ZNF7: variants seen among roughly 807,000 people sequenced by gnomAD.
ZNF7 encodes C2-H2 type zinc finger protein.
In ZNF7, 10 loss-of-function variants were observed where a neutral mutation model predicts 12.0. The observed-to-expected ratio is 0.83, with a 90% CI of 0.51 to 1.42. The LOEUF is 1.42. ZNF7 is among the 40% of genes most tolerant of loss of function. The pLI, the probability that ZNF7 is intolerant of heterozygous loss-of-function variation, is 0.00. For missense variants in ZNF7, 854 were observed against 837.2 expected (o/e 1.02, Z -0.25); for synonymous variants, 334 against 295.0 (o/e 1.13, Z -1.35).
rs1183670944 is a variant in ZNF7 at position 144,843,294 on chromosome 8, AAT to A, written c.*129_*130del. 1 of 1,228,730 alleles carries A rather than the reference AAT, an allele frequency of 8.1e-7. No homozygotes were observed. The highest frequency in any genetic ancestry group is 1.1e-6 in the Non-Finnish European group (1 of 902,396). The allele number at this position is 1,228,730 out of a possible 1,614,324, so 76.1% of individuals were successfully genotyped here. On this transcript the variant is annotated 3_prime_UTR_variant, in exon 5 of 5. Coordinates refer to ENST00000532777, the MANE Select transcript of ZNF7 (RefSeq NM_003416.4). The stretch of plus-strand genomic sequence containing the variant: ...GTAAAGGTTCAGAATTGCTCTCAAG[AAT>A]ATCCAACTTCAGGCCGAGTGTGGTG...
chr8:144,838,027 G>A (rs945884666), intron 4 of ZNF7: 1 of 698,044 alleles, frequency 1.4e-6, no homozygotes, highest in Non-Finnish European at 2.6e-6. Flanking sequence ...CCGGAAATCT[G>A]AAACCGGGGG....
In ZNF7 at chr8:144,842,397, G is replaced by A; in HGVS notation, c.1290G>A (p.Gln430=). ...TTAGGTGGATCTCTCGCCTGAGTCA[G>A]CATCAGCTGATTCACACTGGAGAGA... is the stretch of plus-strand genomic sequence containing the variant. The part of the protein sequence containing the change: ...KAFRWISRLS[Q]HQLIHTGEKP... The change falls in exon 5 of 5, where the codon CAG becomes CAA. Residue 430 remains glutamine (Q), a synonymous_variant. Coordinates refer to ENST00000532777, the MANE Select transcript of ZNF7 (RefSeq NM_003416.4). 2 of 1,614,042 alleles carry A rather than the reference G, an allele frequency of 1.2e-6. No homozygotes were observed. The highest frequency in any genetic ancestry group is 1.7e-6 in the Non-Finnish European group (2 of 1,180,032).
chr8:144,838,173 C>T (rs757716339), intron 4 of ZNF7: 1 of 702,416 alleles, frequency 1.4e-6, no homozygotes, highest in South Asian at 1.5e-5. Flanking sequence ...TGATCTCCGA[C>T]TCCTTCACAC....
At chr8:144,836,616 G>C (rs1829026194) in intron 3 of ZNF7, 1 of 152,276 alleles carries the variant, frequency 6.6e-6, no homozygotes, top group African/African-American at 2.4e-5. Flanking sequence ...TGTTGAATGT[G>C]GAGTCCTGCC....
chr8:144,828,881 T>G, intron 1 of ZNF7, 162 bp from the exon 2 acceptor site: 1 of 811,774 alleles, frequency 1.2e-6, no homozygotes, highest in South Asian at 1.7e-5. Context: ...TCAGTGGGCC[T>G]CCTTCACTCA....
At chr8:144,840,690 G>T (rs1829776393) in intron 4 of ZNF7, among the ~76,000 whole-genome samples, 1 of 152,146 alleles carries the variant, frequency 6.6e-6, no homozygotes, top group Admixed American at 6.5e-5. Context: ...GAAACTTGCA[G>T]CCCCAGGGAA....
At chr8:144,828,001 C>G (rs900268358) in intron 1 of ZNF7, 1 of 152,266 alleles carries the variant, frequency 6.6e-6, no homozygotes, top group Non-Finnish European at 1.5e-5. Context: ...ATTTATTGCC[C>G]CGGAAGGCCT....
rs1827907850 is a variant in ZNF7 at position 144,827,590 on chromosome 8, T to G, written c.-65T>G. On this transcript the variant is annotated 5_prime_UTR_variant, in exon 1 of 5. Coordinates refer to ENST00000532777, the MANE Select transcript of ZNF7 (RefSeq NM_003416.4). The stretch of plus-strand genomic sequence containing the variant: ...CGGCGGCGTCGCGCGTTTGCGAGCC[T>G]CGGGTGGTCCTCAGGGAGGGTGAGT... 2 of 985,670 alleles carry G rather than the reference T, an allele frequency of 2.0e-6. No individual in the cohort carries two copies. The highest frequency in any genetic ancestry group is 2.4e-6 in the Non-Finnish European group (2 of 830,264). The allele number at this position is 985,670 out of a possible 1,614,324, so 61.1% of individuals were successfully genotyped here. A position where few individuals can be genotyped will look rare whatever the true frequency, so the allele number is the denominator to read the frequency against.
Position 144,841,618 on chromosome 8 carries a change from T to C in ZNF7, c.511T>C (p.Cys171Arg), listed in dbSNP as rs1402421983. The C allele has an allele frequency of 1.2e-6, 2 of 1,614,120 alleles. No homozygotes were observed. Among genetic ancestry groups the C allele is most frequent in the Non-Finnish European group, 8.5e-7 (1 of 1,180,036 alleles). ...KTFTKDAPQG[C>R]KELGSSGLDC... ...CTTCACCAAGGACGCACCCCAGGGA[T>C]GTAAGGAGCTGGGAAGCAGCGGCCT... The change falls in exon 5 of 5, where the codon TGT (cysteine) becomes CGT (arginine). Residue 171 changes from cysteine (C) to arginine (R), a missense_variant. Coordinates refer to ENST00000532777, the MANE Select transcript of ZNF7 (RefSeq NM_003416.4).
chr8:144,842,669 G>T lies in ZNF7; in HGVS notation c.1562G>T (p.Gly521Val). 5 of 1,614,156 alleles carry T rather than the reference G, an allele frequency of 3.1e-6. No individual in the cohort carries two copies. Among genetic ancestry groups the T allele is most frequent in the Non-Finnish European group, 4.2e-6 (5 of 1,180,036 alleles). The change falls in exon 5 of 5, where the codon GGA (glycine) becomes GTA (valine). Residue 521 changes from glycine (G) to valine (V), a missense_variant. Transcript: ENST00000532777. Reference sequence around the variant, plus strand: ...ATTTACCATCAGAGAATCCATAAAGGAGAGAAGCCCTACGAATGCCTCCAA... The same window carrying T: ...ATTTACCATCAGAGAATCCATAAAGTAGAGAAGCCCTACGAATGCCTCCAA... ...SLIYHQRIHK[G>V]EKPYECLQCG...
At position 144,842,329 on chromosome 8, in the gene ZNF7, G is replaced by A. The variant is rs768307745; in HGVS notation, c.1222G>A (p.Ala408Thr). ...PSLVAHQRIH[A>T]VEKPFKCDEC... ...CCTTGTTGCACATCAGAGAATTCAC[G>A]CTGTAGAGAAACCATTTAAGTGTGA... The change falls in exon 5 of 5, where the codon GCT becomes ACT. Residue 408 changes from alanine (A) to threonine (T), a missense_variant. Physicochemically the swap from Ala to Thr is moderately conservative, Grantham distance 58. Coordinates refer to ENST00000532777, the MANE Select transcript of ZNF7 (RefSeq NM_003416.4). The A allele has an allele frequency of 3.2e-5, 52 of 1,613,786 alleles. No individual in the cohort carries two copies. The highest frequency in any genetic ancestry group is 2.7e-4 in the East Asian group (12 of 44,880).
chr8:144,829,702 A>G, intron 3 of ZNF7, 98 bp downstream of exon 3: 1 of 1,467,260 alleles, frequency 6.8e-7, no homozygotes, highest in East Asian at 2.4e-5. Context: ...CCAAACGCTC[A>G]GACCCTTGTG....
intron 4 of ZNF7, chr8:144,838,302 G>C (rs1438010158): frequency 3.4e-6 from 2 of 584,152 alleles, no homozygotes; most frequent in Middle Eastern, 2.8e-4. Flanking sequence ...TGCAACGACT[G>C]TGTTTCCAAA....
intron 3 of ZNF7, among the ~76,000 whole-genome samples, chr8:144,832,792 T>C (rs1828590978): frequency 6.6e-6 from 1 of 152,234 alleles, no homozygotes; most frequent in African/African-American, 2.4e-5. Flanking sequence ...GTGGATTTTA[T>C]AGTTTGTATT....
downstream of ZNF7, chr8:144,846,438 G>A (rs560767911): frequency 5.1e-6 from 2 of 391,604 alleles, no homozygotes; most frequent in East Asian, 8.4e-5. Flanking sequence ...TGGGCTTGGT[G>A]ATGCCCAAGC....
In ZNF7 at chr8:144,842,187, G is replaced by A. The variant is rs1191011290; in HGVS notation, c.1080G>A (p.Arg360=). Residue 360 remains arginine (R), a synonymous_variant, in exon 5 of 5, where the codon AGG becomes AGA. Coordinates refer to ENST00000532777, the MANE Select transcript of ZNF7 (RefSeq NM_003416.4). ...VRHQRTHTGE[R]PYPCKECGKA... is the part of the protein sequence containing the mutation. ...ACCAGAGAACTCACACTGGGGAGAG[G>A]CCCTACCCTTGCAAGGAGTGTGGGA... 6.2e-7 allele frequency: 1 copy of A among 1,613,908 alleles called. No homozygotes were observed. The highest frequency in any genetic ancestry group is 2.2e-5 in the East Asian group (1 of 44,868).
chr8:144,842,637 C>T lies in ZNF7; in HGVS notation c.1530C>T (p.Ser510=), dbSNP rs763939395. The change falls in exon 5 of 5, where the codon TCC becomes TCT. Residue 510 remains serine, a synonymous_variant. Transcript: ENST00000532777. ...NDCGKAFSQS[S]SLIYHQRIHK... is the part of the protein sequence containing the mutation. ...GTGGAAAAGCCTTCAGTCAGAGTTC[C>T]AGCCTTATTTACCATCAGAGAATCC... 8.7e-6 allele frequency: 14 copies of T among 1,614,050 alleles called. No individual in the cohort carries two copies. In the Admixed American group the frequency reaches 2.3e-4, roughly 27 times the overall value.
intron 2 of ZNF7, 32 bp from the exon 3 acceptor site, chr8:144,829,446 G>A (rs1248779973): frequency 2.5e-6 from 4 of 1,613,412 alleles, no homozygotes; most frequent in South Asian, 1.1e-5. Flanking sequence ...GGCACCCAGG[G>A]ATTCCTGGGG....
downstream of ZNF7, among the ~76,000 whole-genome samples, chr8:144,845,527 T>G (rs1245894048): frequency 3.3e-5 from 5 of 152,214 alleles, no homozygotes; most frequent in East Asian, 7.7e-4. Context: ...TTTGCTGAAA[T>G]TGAATTTTCA....
Sources: gnomAD v4.1 joint callset for allele counts (sites outside exome capture counted in the v4.1 genomes callset) on GRCh38, gnomAD v4.1.1 for gene constraint, MANE v1.5 for transcripts, NCBI Gene and HGNC (gene_info 2026-07-23, HGNC 2026-07-21) for gene names.